The following RBFOX1 variants were observed in gnomAD, a reference collection of about 807,000 sequenced individuals.
RBFOX1 encodes RNA binding fox-1 homolog 1.
A neutral mutation model predicts 57.7 loss-of-function variants in RBFOX1; 8 were observed. The observed-to-expected ratio is 0.14, with a 90% CI of 0.08 to 0.25. The LOEUF is 0.25. Ranked by LOEUF, RBFOX1 falls within the 10% of genes least tolerant of loss-of-function variation. RBFOX1 has a pLI of 1.00. For synonymous variants in RBFOX1, 326 were observed against 222.4 expected (o/e 1.47, Z -4.15); for missense variants, 611 against 548.5 (o/e 1.11, Z -1.14).
At chr16:6,103,741 A>G (rs184522522) in intron 1 of RBFOX1, among the ~76,000 whole-genome samples, 124 of 152,254 alleles carry the variant, frequency 8.1e-4, no homozygotes, top group African/African-American at 2.9e-3. Flanking sequence ...TTCCACCTGC[A>G]TGCCATTGGC....
intron 2 of RBFOX1, among the ~76,000 whole-genome samples, chr16:6,432,266 C>A (rs186957689): frequency 2.0e-5 from 3 of 152,086 alleles, no homozygotes; most frequent in African/African-American, 7.2e-5. Flanking sequence ...ACGTTGCTCA[C>A]CCTGAAAGTG....
intron 2 of RBFOX1, among the ~76,000 whole-genome samples, chr16:6,522,388 G>A (rs74978667): frequency 0.014 from 2,166 of 152,164 alleles, 48 homozygotes; most frequent in African/African-American, 0.049. Flanking sequence ...TTTTACCCAA[G>A]CTGGCCATTT....
intron 2 of RBFOX1, among the ~76,000 whole-genome samples, chr16:6,457,507 C>T (rs2094807128): frequency 6.8e-6 from 1 of 146,574 alleles, no homozygotes; most frequent in Admixed American, 7.2e-5. Flanking sequence ...CTGTGAATTA[C>T]TGACTACCGT....
chr16:7,090,811 T>C (rs2060709261), intron 4 of RBFOX1, among the ~76,000 whole-genome samples: 1 of 152,082 alleles, frequency 6.6e-6, no homozygotes. Context: ...AAGTCACGTT[T>C]ACTGAGGATG....
intron 2 of RBFOX1, among the ~76,000 whole-genome samples, chr16:6,501,021 G>T (rs2095901571): frequency 1.3e-5 from 2 of 151,528 alleles, no homozygotes; most frequent in African/African-American, 4.9e-5. Flanking sequence ...AGCTACTTCA[G>T]CAGGGTAGGA....
chr16:5,872,151 G>T (rs527945403), intron 4 of RBFOX1, among the ~76,000 whole-genome samples: 194 of 152,312 alleles, frequency 1.3e-3, no homozygotes, highest in African/African-American at 4.3e-3. Flanking sequence ...TGAGAAAGGG[G>T]CTGAGCTGCT....
intron 3 of RBFOX1, among the ~76,000 whole-genome samples, chr16:6,657,306 G>A (rs979193600): frequency 6.6e-6 from 1 of 151,870 alleles, no homozygotes; most frequent in Non-Finnish European, 1.5e-5. Context: ...TCTAACAATT[G>A]TTAAGAAGAG....
intron 1 of RBFOX1, among the ~76,000 whole-genome samples, chr16:5,294,477 G>C (rs2063613275): frequency 2.6e-5 from 4 of 152,052 alleles, no homozygotes; most frequent in Admixed American, 2.6e-4. Context: ...ATCTTTGAGG[G>C]GTAATTTTTA....
At chr16:6,317,880 T>A (rs1052066117) in intron 2 of RBFOX1, among the ~76,000 whole-genome samples, 2 of 152,176 alleles carry the variant, frequency 1.3e-5, no homozygotes, top group African/African-American at 4.8e-5. Flanking sequence ...GAAATATTTA[T>A]TTTTCAAGAT....
chr16:6,225,431 A>C lies in RBFOX1; in HGVS notation c.-126-91564A>C, dbSNP rs541278323. On this transcript the variant is annotated intron_variant, in intron 1 of 15. Coordinates refer to ENST00000550418, the MANE Select transcript of RBFOX1 (RefSeq NM_018723.4). ...CCAAGGATTAATTGAATCAAGATCA[A>C]CCCTATCTGGAATGTACATTTAATA... Among the ~76,000 whole-genome samples, 12 of 152,268 alleles carry C rather than the reference A, an allele frequency of 7.9e-5. No individual in the cohort carries two copies. The East Asian group carries it at 2.3e-3, about 29-fold the overall frequency.
chr16:6,614,717 C>T (rs2098118746), intron 2 of RBFOX1, among the ~76,000 whole-genome samples: 1 of 152,122 alleles, frequency 6.6e-6, no homozygotes, highest in African/African-American at 2.4e-5. Context: ...TCTATCACTC[C>T]AGTCTCTGGC....
chr16:6,958,613 C>G (rs1453166868), intron 3 of RBFOX1, among the ~76,000 whole-genome samples: 5 of 152,112 alleles, frequency 3.3e-5, no homozygotes, highest in African/African-American at 1.2e-4. Context: ...AACGCACGCT[C>G]AGAGTAGGGA....
At chr16:7,704,612 C>T (rs2081844317) in intron 14 of RBFOX1, among the ~76,000 whole-genome samples, 1 of 152,140 alleles carries the variant, frequency 6.6e-6, no homozygotes, top group Admixed American at 6.5e-5. Context: ...CAATGGCAGA[C>T]AAAATAGACA....
At chr16:5,880,256 A>G (rs115363304) in intron 4 of RBFOX1, among the ~76,000 whole-genome samples, 244 of 152,324 alleles carry the variant, frequency 1.6e-3, no homozygotes, top group African/African-American at 5.7e-3. Context: ...AGTAAGGGGT[A>G]CAGTCAGCAT....
intron 1 of RBFOX1, among the ~76,000 whole-genome samples, chr16:6,036,747 C>T (rs189022584): frequency 6.6e-6 from 1 of 152,084 alleles, no homozygotes; most frequent in Admixed American, 6.6e-5. Flanking sequence ...ATGGGAGGCA[C>T]CAGTGAACTT....
chr16:5,446,241 G>A (rs146688233), intron 1 of RBFOX1, among the ~76,000 whole-genome samples: 6 of 152,184 alleles, frequency 3.9e-5, no homozygotes, highest in Admixed American at 6.5e-5. Context: ...AAGGGACAAT[G>A]ATCTGGTTGC....
chr16:7,320,947 C>G (rs1217589917), intron 4 of RBFOX1, among the ~76,000 whole-genome samples: 3 of 152,184 alleles, frequency 2.0e-5, no homozygotes, highest in Middle Eastern at 6.8e-3. Flanking sequence ...AAATTTGGAC[C>G]CAAACTTCTT....
intron 3 of RBFOX1, among the ~76,000 whole-genome samples, chr16:5,705,834 G>A (rs893786515): frequency 2.0e-5 from 3 of 152,240 alleles, no homozygotes; most frequent in African/African-American, 7.2e-5. Flanking sequence ...ATCCGTAGTG[G>A]CTAGAACAGT....
intron 1 of RBFOX1, among the ~76,000 whole-genome samples, chr16:6,203,237 G>T (rs2097227968): frequency 6.6e-6 from 1 of 152,118 alleles, no homozygotes; most frequent in South Asian, 2.1e-4. Context: ...CCCTTTGACT[G>T]ACACTTCTGT....
Sources: gnomAD v4.1 joint callset for allele counts (sites outside exome capture counted in the v4.1 genomes callset) on GRCh38, gnomAD v4.1.1 for gene constraint, MANE v1.5 for transcripts, NCBI Gene and HGNC (gene_info 2026-07-23, HGNC 2026-07-21) for gene names.